The following SRPX2 variants were observed in gnomAD, a reference collection of about 807,000 sequenced individuals.
The protein encoded by SRPX2 is sushi repeat containing protein X-linked 2.
SRPX2 carries 26 observed loss-of-function variants against 45.3 expected under a neutral mutation model. That is an observed-to-expected ratio of 0.57 (90% CI 0.42 to 0.80). The LOEUF is 0.80. Among genes scored for constraint, SRPX2 ranks in the 30% least tolerant of loss-of-function variants. The probability of loss-of-function intolerance (pLI) is 0.00; values close to 1 mark genes in which losing one functional copy is unlikely to be tolerated. For synonymous variants in SRPX2, 125 were observed against 143.7 expected, an observed-to-expected ratio of 0.87 and a Z score of 0.93; for missense variants, 355 against 399.8, an observed-to-expected ratio of 0.89 and a Z score of 0.95.
chrX:100,650,716 G>T, intron 2 of SRPX2, 69 bp from the exon 3 acceptor site: 1 of 1,029,545 alleles, frequency 9.7e-7, no homozygotes, highest in Non-Finnish European at 1.4e-6. Flanking sequence ...TTGGATGAGA[G>T]GGGGAAGGTT....
chrX:100,664,249 T>C (rs2147648559), intron 4 of SRPX2, among the ~76,000 whole-genome samples: 1 of 109,347 alleles, frequency 9.1e-6, no homozygotes, highest in African/African-American at 3.3e-5. Context: ...ATAAGTTGTT[T>C]TCCTTCCCCC....
chrX:100,669,776 T>TA (rs1470152840), intron 10 of SRPX2, among the ~76,000 whole-genome samples: 6 of 95,309 alleles, frequency 6.3e-5, no homozygotes, highest in African/African-American at 2.3e-4. Flanking sequence ...CATCTTTTTT[T>TA]TTTTTTTTTT....
rs2083250649 is a variant in SRPX2 at position 100,674,744 on chromosome X, A to G, written c.*3757A>G. The G allele has an allele frequency of 8.9e-6, 1 of 111,761 alleles. No homozygotes were observed. The highest frequency in any genetic ancestry group is 1.9e-5 in the Non-Finnish European group (1 of 53,194). The allele number at this position is 111,761 out of a possible 1,213,427, so 9.2% of individuals were successfully genotyped here. On this transcript the variant is annotated 3_prime_UTR_variant, in exon 11 of 11. Transcript: ENST00000373004. ...TGTTGAAAGGGATTTCCTCTCTGCT[A>G]TACACTCCTTCCACACACAACTTTG...
At chrX:100,660,022 G>A (rs1165030727) in intron 3 of SRPX2, among the ~76,000 whole-genome samples, 1 of 111,022 alleles carries the variant, frequency 9.0e-6, no homozygotes. Context: ...TGATTTAACA[G>A]CCTTATAACC....
At position 100,671,855 on chromosome X, in the gene SRPX2, T is replaced by C. The variant is rs777199072; in HGVS notation, c.*868T>C. 8.9e-6 allele frequency: 1 copy of C among 112,238 alleles called. No homozygotes were observed. Among genetic ancestry groups the C allele is most frequent in the African/African-American group, 3.2e-5 (1 of 30,871 alleles). 9.2% of individuals were successfully genotyped at this position (112,238 alleles called of 1,213,427 possible). On this transcript the variant is annotated 3_prime_UTR_variant, in exon 11 of 11. Coordinates refer to ENST00000373004, the MANE Select transcript of SRPX2 (RefSeq NM_014467.3). ...TGCAGTGGGAGAGAGCTTGGTAAGA[T>C]GTATCCAATCAGAGCAGAATGTTCT...
Position 100,664,915 on chromosome X carries a change from A to G in SRPX2, c.497A>G (p.Asp166Gly), listed in dbSNP as rs1342664108. The change falls in exon 5 of 11, where the codon GAT (aspartate) becomes GGT (glycine). Residue 166 changes from aspartate to glycine, a missense_variant. Asp to Gly is a moderately conservative substitution (Grantham distance 94). Coordinates refer to ENST00000373004, the MANE Select transcript of SRPX2 (RefSeq NM_014467.3). ...EGDRSRICME[D>G]GRWSGGEPVC... ...GATCGCAGCCGAATCTGCATGGAAG[A>G]TGGGAGATGGAGTGGAGGCGAGCCT... 4 of 1,209,197 alleles carry G rather than the reference A, an allele frequency of 3.3e-6. No homozygotes were observed. The East Asian group carries it at 1.2e-4, about 36-fold the overall frequency.
At chrX:100,653,311 T>C (rs1014313088) in intron 3 of SRPX2, among the ~76,000 whole-genome samples, 1 of 111,603 alleles carries the variant, frequency 9.0e-6, no homozygotes, top group African/African-American at 3.3e-5. Flanking sequence ...ATCATTCTCT[T>C]AGTTACTCGG....
intron 9 of SRPX2, among the ~76,000 whole-genome samples, chrX:100,668,882 T>C (rs1391487333): frequency 2.7e-5 from 3 of 112,112 alleles, no homozygotes; most frequent in Non-Finnish European, 5.6e-5. Flanking sequence ...AAGCATTAGG[T>C]TTGTGTATTC....
chrX:100,659,773 ACTT>A lies in SRPX2; in HGVS notation c.164-2399_164-2397del, dbSNP rs1447819290. On this transcript the variant is annotated intron_variant, in intron 3 of 10. Coordinates refer to ENST00000373004, the MANE Select transcript of SRPX2 (RefSeq NM_014467.3). ...TCTTTGTTCCTTTGGTGTCTCATCT[ACTT>A]CTTTTTTTTTTTTTTCAAAGCTTTT... Among the ~76,000 whole-genome samples the A allele has an allele frequency of 6.7e-5, 3 of 44,824 alleles. No individual in the cohort carries two copies. The Admixed American group carries it at 9.2e-4, about 14-fold the overall frequency. The allele number at this position is 44,824 out of a possible 115,157, so 38.9% of individuals were successfully genotyped here.
intron 3 of SRPX2, 87 bp downstream of exon 3, chrX:100,650,952 G>A (rs925343759): frequency 7.0e-5 from 52 of 743,051 alleles, no homozygotes; most frequent in Middle Eastern, 4.1e-4. Flanking sequence ...ATCAGGCTTG[G>A]CTCACATGTG....
chrX:100,656,483 CT>C (rs2083169700), intron 3 of SRPX2, among the ~76,000 whole-genome samples: 1 of 111,631 alleles, frequency 9.0e-6, no homozygotes, highest in Non-Finnish European at 1.9e-5. Flanking sequence ...CCACTTACCC[CT>C]CCCAGTCTCT....
chrX:100,661,932 G>GT (rs1209941951), intron 3 of SRPX2, among the ~76,000 whole-genome samples: 67 of 93,209 alleles, frequency 7.2e-4, no homozygotes, highest in Middle Eastern at 5.7e-3. Context: ...GTCGAGGTGG[G>GT]GTTTTTTTTT....
intron 10 of SRPX2, 31 bp downstream of exon 10, chrX:100,669,400 GGA>G: frequency 2.0e-6 from 2 of 996,798 alleles, no homozygotes; most frequent in Non-Finnish European, 2.7e-6. Flanking sequence ...AAACTTGGGG[GGA>G]GGGGGGGCTG....
chrX:100,670,209 A>T (rs903526007), intron 10 of SRPX2, among the ~76,000 whole-genome samples: 1 of 111,569 alleles, frequency 9.0e-6, no homozygotes, highest in African/African-American at 3.3e-5. Context: ...ATGCCTTCAC[A>T]TATATTCAGG....
chrX:100,646,389 C>A lies in SRPX2; in HGVS notation c.67C>A (p.Pro23Thr). 1 of 1,210,609 alleles carries A rather than the reference C, an allele frequency of 8.3e-7. No individual in the cohort carries two copies. The highest frequency in any genetic ancestry group is 1.1e-6 in the Non-Finnish European group (1 of 895,008). The change falls in exon 2 of 11, where the codon CCA becomes ACA. Residue 23 changes from proline to threonine, a missense_variant. Physicochemically the swap from Pro to Thr is conservative, Grantham distance 38. Transcript: ENST00000373004. ...LLFFLTPAVT[P>T]TWYAGSGYYP... ...GTTCTTCCTAACTCCGGCAGTGACA[C>A]CAACATGGTATGCAGGTAAGTTCTA... is the stretch of plus-strand genomic sequence containing the variant.
At chrX:100,669,132 G>T (rs905117225) in intron 9 of SRPX2, 116 bp from the exon 10 acceptor site, 4 of 997,158 alleles carry the variant, frequency 4.0e-6, no homozygotes, top group Non-Finnish European at 5.6e-6. Flanking sequence ...GTGATCATTG[G>T]GGGAGAAGGA....
intron 3 of SRPX2, among the ~76,000 whole-genome samples, chrX:100,657,791 C>T (rs1274892439): frequency 8.9e-6 from 1 of 112,197 alleles, no homozygotes; most frequent in East Asian, 2.8e-4. Context: ...TGAGAAATAT[C>T]TGTTCATGTC....
chrX:100,667,545 A>G (rs2083208739), intron 9 of SRPX2, 138 bp downstream of exon 9: 3 of 818,523 alleles, frequency 3.7e-6, no homozygotes, highest in East Asian at 6.6e-5. Context: ...CAGTTTTACC[A>G]TAGACATATT....
At chrX:100,656,103 C>T (rs1023145227) in intron 3 of SRPX2, among the ~76,000 whole-genome samples, 8 of 110,148 alleles carry the variant, frequency 7.3e-5, no homozygotes, top group Non-Finnish European at 1.3e-4. Flanking sequence ...TCAGGTGATC[C>T]GCCTGCCTCG....
Sources: gnomAD v4.1 joint callset for allele counts (sites outside exome capture counted in the v4.1 genomes callset) on GRCh38, gnomAD v4.1.1 for gene constraint, MANE v1.5 for transcripts, NCBI Gene and HGNC (gene_info 2026-07-23, HGNC 2026-07-21) for gene names.